STARD3NL: variants seen among roughly 807,000 people sequenced by gnomAD.
The protein encoded by STARD3NL is STARD3 N-terminal-like protein.
Under a neutral mutation model 30.9 loss-of-function variants are expected in STARD3NL, and 17 were observed. That is an observed-to-expected ratio of 0.55 (90% confidence interval 0.38 to 0.82). The LOEUF (loss-of-function observed/expected upper bound fraction) is 0.82, where lower values mean the gene tolerates loss of function less well. Among genes scored for constraint, STARD3NL ranks in the 40% least tolerant of loss-of-function variants. The pLI, the probability that STARD3NL is intolerant of heterozygous loss-of-function variation, is 0.00. For missense variants in STARD3NL, 234 were observed against 277.6 expected (o/e 0.84, Z 1.12); for synonymous variants, 112 against 100.5 (o/e 1.11, Z -0.69).
intron 1 of STARD3NL, among the ~76,000 whole-genome samples, chr7:38,183,145 C>G (rs1206081271): frequency 6.6e-6 from 1 of 152,148 alleles, no homozygotes; most frequent in Non-Finnish European, 1.5e-5. Flanking sequence ...AAAGGTAACA[C>G]AGAGGACGTT....
chr7:38,228,935 A>G (rs1786943724), intron 8 of STARD3NL, 64 bp downstream of exon 8: 1 of 1,176,378 alleles, frequency 8.5e-7, no homozygotes, highest in African/African-American at 1.5e-5. Context: ...CTTTGAGTAG[A>G]GTCAAAGTAG....
intron 7 of STARD3NL, among the ~76,000 whole-genome samples, chr7:38,226,663 T>G (rs1271527858): frequency 6.6e-6 from 1 of 152,228 alleles, no homozygotes; most frequent in Non-Finnish European, 1.5e-5. Context: ...CCTCTGTGCA[T>G]GGAGACAACA....
chr7:38,217,275 G>A lies in STARD3NL; in HGVS notation c.523G>A (p.Val175Met), dbSNP rs773660378. Residue 175 changes from valine (V) to methionine (M), a missense_variant, in exon 6 of 9, where the codon GTG becomes ATG. Physicochemically the swap from Val to Met is conservative, Grantham distance 21. Coordinates refer to ENST00000009041, the MANE Select transcript of STARD3NL (RefSeq NM_032016.4). ...WIETWFLDFK[V>M]LPQEAEEENR... is the part of the protein sequence containing the mutation. ...TGAGACGTGGTTCCTGGATTTCAAA[G>A]TGTTACCTCAAGAAGCAGAAGAAGA... is the stretch of plus-strand genomic sequence containing the variant. 4 of 1,613,992 alleles carry A rather than the reference G, an allele frequency of 2.5e-6. No homozygotes were observed. Among genetic ancestry groups the A allele is most frequent in the Non-Finnish European group, 3.4e-6 (4 of 1,179,938 alleles).
At chr7:38,190,118 C>T (rs879297027) in intron 1 of STARD3NL, among the ~76,000 whole-genome samples, 38 of 152,106 alleles carry the variant, frequency 2.5e-4, no homozygotes, top group Non-Finnish European at 3.5e-4. Flanking sequence ...TAGTACCAAA[C>T]CCCTATGAAT....
At chr7:38,213,628 T>C (rs111796575) in intron 2 of STARD3NL, among the ~76,000 whole-genome samples, 3 of 152,306 alleles carry the variant, frequency 2.0e-5, no homozygotes, top group Admixed American at 6.5e-5. Flanking sequence ...GCTTGGGTGC[T>C]GCATTAGCTG....
chr7:38,220,672 C>T (rs1786404396), intron 7 of STARD3NL, among the ~76,000 whole-genome samples: 1 of 152,250 alleles, frequency 6.6e-6, no homozygotes, highest in Non-Finnish European at 1.5e-5. Context: ...GCAGAGACCA[C>T]AGCAGATATG....
At chr7:38,184,319 C>T (rs1031284755) in intron 1 of STARD3NL, among the ~76,000 whole-genome samples, 1 of 152,044 alleles carries the variant, frequency 6.6e-6, no homozygotes, top group African/African-American at 2.4e-5. Flanking sequence ...TGTGTCAGTC[C>T]ATATGTGTCG....
intron 7 of STARD3NL, among the ~76,000 whole-genome samples, chr7:38,227,110 C>A (rs537774875): frequency 6.6e-6 from 1 of 152,222 alleles, no homozygotes; most frequent in South Asian, 2.1e-4. Flanking sequence ...TTCACTTGGC[C>A]GTAGCAAGAA....
chr7:38,213,925 A>G (rs141832763), intron 2 of STARD3NL, among the ~76,000 whole-genome samples: 2,470 of 152,352 alleles, frequency 0.016, 38 homozygotes, highest in Middle Eastern at 0.068. Context: ...AATGGCCATC[A>G]TTGACGTTTG....
At chr7:38,182,221 C>G (rs73348627) in intron 1 of STARD3NL, among the ~76,000 whole-genome samples, 10,094 of 152,196 alleles carry the variant, frequency 0.066, 1,110 homozygotes, top group African/African-American at 0.23. Context: ...CTTTGAGAGA[C>G]ACACTGTTAG....
chr7:38,190,042 A>C (rs1784617816), intron 1 of STARD3NL, among the ~76,000 whole-genome samples: 1 of 152,182 alleles, frequency 6.6e-6, no homozygotes, highest in African/African-American at 2.4e-5. Context: ...TTTGCTATAC[A>C]ATAGTTACCT....
intron 1 of STARD3NL, among the ~76,000 whole-genome samples, chr7:38,186,074 A>G (rs1022002005): frequency 6.6e-6 from 1 of 152,148 alleles, no homozygotes; most frequent in African/African-American, 2.4e-5. Context: ...TAATTGAGGG[A>G]CCTTCACCTG....
At chr7:38,225,799 T>C (rs1478492196) in intron 7 of STARD3NL, among the ~76,000 whole-genome samples, 1 of 152,216 alleles carries the variant, frequency 6.6e-6, no homozygotes, top group Non-Finnish European at 1.5e-5. Context: ...ATCACATGAA[T>C]TTTGATATGT....
chr7:38,212,015 C>G (rs997239024), intron 2 of STARD3NL, among the ~76,000 whole-genome samples: 1 of 152,266 alleles, frequency 6.6e-6, no homozygotes, highest in East Asian at 1.9e-4. Flanking sequence ...CCAGCTTCAA[C>G]CAAGCCACAT....
chr7:38,220,922 A>G (rs932259543), intron 7 of STARD3NL, among the ~76,000 whole-genome samples: 4 of 151,272 alleles, frequency 2.6e-5, no homozygotes, highest in African/African-American at 9.7e-5. Context: ...TGGGCAACAT[A>G]GGGAGACCTT....
intron 2 of STARD3NL, among the ~76,000 whole-genome samples, chr7:38,212,884 A>C (rs920571754): frequency 6.6e-6 from 1 of 152,222 alleles, no homozygotes; most frequent in Non-Finnish European, 1.5e-5. Context: ...GAAACTAAAG[A>C]TAGTTTATTT....
At chr7:38,190,401 T>C (rs1784635830) in intron 1 of STARD3NL, among the ~76,000 whole-genome samples, 1 of 152,220 alleles carries the variant, frequency 6.6e-6, no homozygotes, top group South Asian at 2.1e-4. Flanking sequence ...ATACATATGC[T>C]ACATGTGTGT....
chr7:38,188,036 T>A (rs1455308959), intron 1 of STARD3NL, among the ~76,000 whole-genome samples: 1 of 152,220 alleles, frequency 6.6e-6, no homozygotes, highest in Non-Finnish European at 1.5e-5. Context: ...GTCATCTCTC[T>A]CCTGAATTAT....
intron 1 of STARD3NL, among the ~76,000 whole-genome samples, chr7:38,189,835 A>G (rs746529425): frequency 6.6e-6 from 1 of 152,186 alleles, no homozygotes; most frequent in Non-Finnish European, 1.5e-5. Context: ...CTTTAAGTCT[A>G]TCAGTGCAAC....
Sources: allele counts gnomAD v4.1 joint callset (sites outside exome capture counted in the v4.1 genomes callset), GRCh38; gene constraint gnomAD v4.1.1; transcripts MANE v1.5; gene names NCBI Gene and HGNC (gene_info 2026-07-23, HGNC 2026-07-21).